The following TTC29 variants were observed in gnomAD, a reference collection of about 807,000 sequenced individuals.
TTC29 encodes tetratricopeptide repeat domain 29, also known as tetratricopeptide repeat protein 29.
Under a neutral mutation model 58.1 loss-of-function variants are expected in TTC29, and 49 were observed. The ratio of observed to expected loss-of-function variants is 0.84; its 90% CI spans 0.67 to 1.07. The LOEUF (loss-of-function observed/expected upper bound fraction) is 1.07, where lower values mean the gene tolerates loss of function less well. Ranked by LOEUF, TTC29 falls within the 50% of genes least tolerant of loss-of-function variation. TTC29 has a pLI of 0.00. For synonymous variants in TTC29, 209 were observed against 196.8 expected (o/e 1.06, Z -0.52); for missense variants, 582 against 555.6 (o/e 1.05, Z -0.48).
intron 10 of TTC29, among the ~76,000 whole-genome samples, chr4:146,816,519 A>G (rs1388839390): frequency 6.6e-6 from 1 of 152,122 alleles, no homozygotes; most frequent in Admixed American, 6.6e-5. Flanking sequence ...AGGGGAAACA[A>G]CGTGGTGGAG....
intron 8 of TTC29, among the ~76,000 whole-genome samples, chr4:146,840,501 T>C (rs1728787859): frequency 6.6e-6 from 1 of 152,136 alleles, no homozygotes; most frequent in African/African-American, 2.4e-5. Flanking sequence ...ACTGAAATTA[T>C]ATAGTGCTGT....
chr4:146,784,432 A>AT (rs1748855334), intron 11 of TTC29, among the ~76,000 whole-genome samples: 1 of 152,028 alleles, frequency 6.6e-6, no homozygotes, highest in Non-Finnish European at 1.5e-5. Context: ...TATGGTGTGA[A>AT]TGTTTGTGTC....
At chr4:146,784,406 G>T (rs1219124698) in intron 11 of TTC29, among the ~76,000 whole-genome samples, 1 of 152,052 alleles carries the variant, frequency 6.6e-6, no homozygotes, top group Non-Finnish European at 1.5e-5. Context: ...TACTCCTTGT[G>T]GCCTTTGGTA....
intron 6 of TTC29, among the ~76,000 whole-genome samples, chr4:146,878,056 T>A (rs989998063): frequency 6.6e-6 from 1 of 152,126 alleles, no homozygotes; most frequent in African/African-American, 2.4e-5. Flanking sequence ...ACGTCCTCTG[T>A]GTTACCTTAC....
intron 6 of TTC29, 134 bp downstream of exon 6, chr4:146,903,410 T>C: frequency 1.3e-6 from 1 of 747,308 alleles, no homozygotes; most frequent in South Asian, 3.1e-5. Flanking sequence ...ATGGTTTTGC[T>C]TTTTGATCTC....
chr4:146,900,020 G>C (rs980456091), intron 6 of TTC29, among the ~76,000 whole-genome samples: 3 of 152,122 alleles, frequency 2.0e-5, no homozygotes, highest in Admixed American at 6.6e-5. Context: ...CGCCTCAGAG[G>C]GAACCCTTCA....
At chr4:146,874,449 G>A (rs2150221952) in intron 7 of TTC29, among the ~76,000 whole-genome samples, 1 of 152,198 alleles carries the variant, frequency 6.6e-6, no homozygotes, top group Admixed American at 6.5e-5. Flanking sequence ...GATCTTACCT[G>A]CTCACTTTAG....
intron 11 of TTC29, among the ~76,000 whole-genome samples, chr4:146,739,107 A>G (rs1256439110): frequency 6.6e-6 from 1 of 152,204 alleles, no homozygotes; most frequent in Non-Finnish European, 1.5e-5. Context: ...ATAGCTATGA[A>G]TTTCCAATAA....
intron 6 of TTC29, among the ~76,000 whole-genome samples, chr4:146,881,627 G>A (rs1397814729): frequency 6.6e-6 from 1 of 151,984 alleles, no homozygotes; most frequent in Non-Finnish European, 1.5e-5. Flanking sequence ...TGGCTTAACT[G>A]CATGAACAAT....
intron 10 of TTC29, among the ~76,000 whole-genome samples, chr4:146,806,553 G>A (rs1476550728): frequency 6.6e-6 from 1 of 151,388 alleles, no homozygotes; most frequent in Admixed American, 6.6e-5. Flanking sequence ...CCAGGTAAAT[G>A]AAAAGCAAAA....
intron 4 of TTC29, among the ~76,000 whole-genome samples, chr4:146,926,613 C>T (rs770051457): frequency 1.5e-4 from 23 of 152,052 alleles, no homozygotes; most frequent in Non-Finnish European, 3.1e-4. Flanking sequence ...CAGGTGCGTG[C>T]CACCATGCCT....
intron 7 of TTC29, among the ~76,000 whole-genome samples, chr4:146,873,678 T>C (rs898171910): frequency 1.3e-5 from 2 of 152,328 alleles, no homozygotes; most frequent in South Asian, 2.1e-4. Context: ...GGGAAGGTAC[T>C]AGACCATTTA....
At chr4:146,923,033 C>T (rs1734695351) in intron 4 of TTC29, among the ~76,000 whole-genome samples, 1 of 151,716 alleles carries the variant, frequency 6.6e-6, no homozygotes, top group East Asian at 1.9e-4. Flanking sequence ...CTAAGAAATT[C>T]CCATTTCATC....
At chr4:146,868,034 A>G (rs184096706) in intron 7 of TTC29, among the ~76,000 whole-genome samples, 5 of 152,312 alleles carry the variant, frequency 3.3e-5, no homozygotes, top group Admixed American at 2.6e-4. Context: ...GTGCACAAAC[A>G]TTCATACTCA....
Position 146,945,853 on chromosome 4 carries a change from G to T in TTC29, c.-198C>A, listed in dbSNP as rs1412031920. On this transcript the variant is annotated 5_prime_UTR_variant, in exon 1 of 13. Transcript: ENST00000325106. ...TGGCTCCGCCGGAGCGGAGACAGGG[G>T]ACGCCGAGAGCGTCTCCACGGAAAC... 1 of 152,356 alleles carries T rather than the reference G, an allele frequency of 6.6e-6. No individual in the cohort carries two copies. Among genetic ancestry groups the T allele is most frequent in the Non-Finnish European group, 1.5e-5 (1 of 68,166 alleles). The allele number at this position is 152,356 out of a possible 1,614,324, so 9.4% of individuals were successfully genotyped here.
At chr4:146,869,683 C>T (rs1730802493) in intron 7 of TTC29, among the ~76,000 whole-genome samples, 1 of 152,028 alleles carries the variant, frequency 6.6e-6, no homozygotes, top group South Asian at 2.1e-4. Flanking sequence ...ATGGCACCAT[C>T]ATCTGCATCT....
At chr4:146,828,658 G>T (rs1579775006) in intron 9 of TTC29, among the ~76,000 whole-genome samples, 1 of 152,038 alleles carries the variant, frequency 6.6e-6, no homozygotes, top group Admixed American at 6.6e-5. Context: ...TAAGTTTAGA[G>T]TATGAGAAAC....
At chr4:146,784,290 T>A (rs190005441) in intron 11 of TTC29, among the ~76,000 whole-genome samples, 47 of 151,910 alleles carry the variant, frequency 3.1e-4, no homozygotes, top group Admixed American at 1.8e-3. Context: ...GACAAAAATT[T>A]AAAAAAAATT....
At chr4:146,786,618 C>T (rs868781973) in intron 11 of TTC29, among the ~76,000 whole-genome samples, 3 of 152,098 alleles carry the variant, frequency 2.0e-5, no homozygotes, top group African/African-American at 4.8e-5. Context: ...CAACTCTTTC[C>T]TAGTTATTTT....
Sources: allele counts gnomAD v4.1 joint callset (sites outside exome capture counted in the v4.1 genomes callset), GRCh38; gene constraint gnomAD v4.1.1; transcripts MANE v1.5; gene names NCBI Gene and HGNC (gene_info 2026-07-23, HGNC 2026-07-21).